DLGAP2: variants seen among roughly 807,000 people sequenced by gnomAD.
DLGAP2 encodes the protein DLG associated protein 2.
DLGAP2 carries 26 observed loss-of-function variants against 100.3 expected under a neutral mutation model. That is an observed-to-expected ratio of 0.26 (90% CI 0.19 to 0.36). DLGAP2 has a LOEUF of 0.36. Ranked by LOEUF, DLGAP2 falls within the 10% of genes least tolerant of loss-of-function variation. The probability of loss-of-function intolerance (pLI) is 1.00; values close to 1 mark genes in which losing one functional copy is unlikely to be tolerated. For synonymous variants in DLGAP2, 886 were observed against 630.1 expected (o/e 1.41, Z -6.08); for missense variants, 1,858 against 1,453.2 (o/e 1.28, Z -4.53).
At chr8:1,614,399 A>G (rs1797081637) in intron 6 of DLGAP2, among the ~76,000 whole-genome samples, 1 of 152,246 alleles carries the variant, frequency 6.6e-6, no homozygotes, top group Non-Finnish European at 1.5e-5. Context: ...TGCTGGTACC[A>G]CAGGCAGGAC....
intron 2 of DLGAP2, among the ~76,000 whole-genome samples, chr8:955,440 C>T (rs931856510): frequency 6.6e-6 from 1 of 152,096 alleles, no homozygotes; most frequent in Non-Finnish European, 1.5e-5. Context: ...GCTGCCTGCC[C>T]CAGTGTCAGT....
chr8:887,554 A>G (rs4599838), intron 1 of DLGAP2, among the ~76,000 whole-genome samples: 137,273 of 152,268 alleles, frequency 0.9, 62,346 homozygotes, highest in African/African-American at 0.97. Context: ...AGGAGCTCTT[A>G]CAGGGCAGGC....
chr8:1,493,554 G>A (rs1182645933), intron 3 of DLGAP2, among the ~76,000 whole-genome samples: 1 of 152,262 alleles, frequency 6.6e-6, no homozygotes, highest in Non-Finnish European at 1.5e-5. Context: ...GTGTGTGGGA[G>A]CCGCGAGGGT....
intron 1 of DLGAP2, among the ~76,000 whole-genome samples, chr8:892,545 G>T (rs1297690314): frequency 2.7e-5 from 4 of 147,350 alleles, no homozygotes; most frequent in Non-Finnish European, 5.9e-5. Flanking sequence ...GGGCTGGGGA[G>T]GGGGCGTGGG....
intron 3 of DLGAP2, among the ~76,000 whole-genome samples, chr8:1,433,341 A>T (rs567315463): frequency 1.3e-5 from 2 of 152,326 alleles, no homozygotes; most frequent in African/African-American, 4.8e-5. Context: ...ATCCAGTCCT[A>T]GGAGTGCATG....
intron 3 of DLGAP2, among the ~76,000 whole-genome samples, chr8:1,453,309 C>A (rs1380793027): frequency 3.3e-5 from 5 of 152,144 alleles, no homozygotes; most frequent in Admixed American, 3.3e-4. Flanking sequence ...GTGACTGTCA[C>A]CAAGTGGGAG....
intron 3 of DLGAP2, among the ~76,000 whole-genome samples, chr8:1,303,002 T>A (rs1388571696): frequency 6.6e-6 from 1 of 152,218 alleles, no homozygotes; most frequent in Non-Finnish European, 1.5e-5. Context: ...GGCTGCAGGC[T>A]GTGAGGATGG....
intron 12 of DLGAP2, among the ~76,000 whole-genome samples, chr8:1,689,545 G>C (rs1272077516): frequency 1.3e-5 from 2 of 152,202 alleles, no homozygotes; most frequent in Non-Finnish European, 2.9e-5. Context: ...ACGGAAGCAG[G>C]AGAAAGGGCT....
In DLGAP2 at chr8:1,054,113, C is replaced by T. The variant is rs112121706; in HGVS notation, c.73+146147C>T. ...AGCCTCTGAGCCTGTGTGCGGCACC[C>T]GGCGTTTCTGGGAAGCTTCCTATAG... On this transcript the variant is annotated intron_variant, in intron 2 of 14. Transcript: ENST00000637795. Among the ~76,000 whole-genome samples, 247 of 152,168 alleles carry T rather than the reference C, an allele frequency of 1.6e-3. 1 individual carries two copies. Among genetic ancestry groups the T allele is most frequent in the African/African-American group, 5.7e-3 (235 of 41,510 alleles).
chr8:1,146,137 C>G (rs987898288), intron 2 of DLGAP2, among the ~76,000 whole-genome samples: 2 of 152,214 alleles, frequency 1.3e-5, no homozygotes, highest in Non-Finnish European at 2.9e-5. Flanking sequence ...TGCCACACAT[C>G]TCTGCAGCCA....
chr8:1,094,953 GCTCTGCT>G, intron 2 of DLGAP2, among the ~76,000 whole-genome samples: 1 of 152,344 alleles, frequency 6.6e-6, no homozygotes, highest in South Asian at 2.1e-4. Context: ...CAGAAGGACA[GCTCTGCT>G]CTTCAGGAGC....
intron 2 of DLGAP2, among the ~76,000 whole-genome samples, chr8:1,201,586 C>G (rs940577670): frequency 6.6e-6 from 1 of 152,172 alleles, no homozygotes; most frequent in Non-Finnish European, 1.5e-5. Context: ...TGTGTGGTCA[C>G]CGGCACGGCA....
rs1563415491 is a variant in DLGAP2 at position 759,083 on chromosome 8, AGCCTTCCTGTTATCAAT to A, written c.18+21259_18+21275del. On this transcript the variant is annotated intron_variant, in intron 1 of 14. Transcript: ENST00000637795. ...CCTTCCCATTATCAATACCCCCCAC[AGCCTTCCTGTTATCAAT>A]ACCCCCGACAGCCTTCCCATTATCA... is the stretch of plus-strand genomic sequence containing the variant. Among the ~76,000 whole-genome samples the A allele has an allele frequency of 1.5e-3, 89 of 60,510 alleles. 9 individuals carry two copies. The highest frequency in any genetic ancestry group is 4.1e-3 in the African/African-American group (87 of 21,270). The allele number at this position is 60,510 out of a possible 152,430, so 39.7% of individuals were successfully genotyped here. A position where few individuals can be genotyped will look rare whatever the true frequency, so the allele number is the denominator to read the frequency against.
In DLGAP2 at chr8:1,022,152, C is replaced by A. The variant is rs531490044; in HGVS notation, c.73+114186C>A. Among the ~76,000 whole-genome samples, 7 of 152,284 alleles carry A rather than the reference C, an allele frequency of 4.6e-5. No individual in the cohort carries two copies. In the East Asian group the frequency reaches 1.4e-3, roughly 29 times the overall value. ...CATGTCCGAGCCACACACCCATCCT[C>A]CCTGGGGGTGGACAGTCCTGTGCTG... On this transcript the variant is annotated intron_variant, in intron 2 of 14. Coordinates refer to ENST00000637795, the MANE Select transcript of DLGAP2 (RefSeq NM_001346810.2).
intron 1 of DLGAP2, among the ~76,000 whole-genome samples, chr8:767,348 G>GTTTTTT (rs35944301): frequency 1.7e-5 from 2 of 117,932 alleles, no homozygotes; most frequent in Non-Finnish European, 3.4e-5. Flanking sequence ...GCTGTTGACT[G>GTTTTTT]TTTTTTTTTT....
At chr8:1,521,301 A>G (rs1388266369) in intron 4 of DLGAP2, among the ~76,000 whole-genome samples, 1 of 58,756 alleles carries the variant, frequency 1.7e-5, no homozygotes, top group Non-Finnish European at 3.6e-5. Context: ...TGGTTTGCAC[A>G]CTTGTTTTAA....
chr8:1,154,127 C>G lies in DLGAP2; in HGVS notation c.74-104724C>G, dbSNP rs74304022. Among the ~76,000 whole-genome samples, 533 of 152,274 alleles carry G rather than the reference C, an allele frequency of 3.5e-3. 26 individuals carry two copies. The East Asian group carries it at 0.076, about 22-fold the overall frequency. ...TGCATACATGGATATGCACCAGTAT[C>G]AAACCAGATGGCTTCATGTGGATAT... On this transcript the variant is annotated intron_variant, in intron 2 of 14. Coordinates refer to ENST00000637795, the MANE Select transcript of DLGAP2 (RefSeq NM_001346810.2).
chr8:741,965 G>A (rs950418762), intron 1 of DLGAP2, among the ~76,000 whole-genome samples: 1 of 152,354 alleles, frequency 6.6e-6, no homozygotes, highest in Middle Eastern at 3.4e-3. Flanking sequence ...TCATCTGTCT[G>A]TGGAGGAGAA....
chr8:1,533,135 GAAAA>G (rs58058808), intron 4 of DLGAP2, among the ~76,000 whole-genome samples: 24 of 119,750 alleles, frequency 2.0e-4, no homozygotes, highest in African/African-American at 6.9e-4. Flanking sequence ...TGATTCTAGG[GAAAA>G]AAAAAAAAAA....
Sources: gnomAD v4.1 joint callset for allele counts (sites outside exome capture counted in the v4.1 genomes callset) on GRCh38, gnomAD v4.1.1 for gene constraint, MANE v1.5 for transcripts, NCBI Gene and HGNC (gene_info 2026-07-23, HGNC 2026-07-21) for gene names.